UGT2B15: variants seen among roughly 807,000 people sequenced by gnomAD.
The protein encoded by UGT2B15 is UDP-glucuronosyltransferase 2B15.
In UGT2B15, 36 loss-of-function variants were observed where a neutral mutation model predicts 45.9. The observed-to-expected ratio is 0.78, with a 90% CI of 0.60 to 1.04. UGT2B15 has a LOEUF of 1.04. UGT2B15 is among the 50% of genes least tolerant of loss of function. The probability of loss-of-function intolerance (pLI) is 0.00; values close to 1 mark genes in which losing one functional copy is unlikely to be tolerated. For synonymous variants in UGT2B15, 219 were observed against 216.4 expected (o/e 1.01, Z -0.11); for missense variants, 617 against 622.4 (o/e 0.99, Z 0.09).
intron 3 of UGT2B15, among the ~76,000 whole-genome samples, chr4:68,655,651 C>T (rs1192577237): frequency 6.6e-6 from 1 of 152,056 alleles, no homozygotes; most frequent in Non-Finnish European, 1.5e-5. Context: ...CTGGAAGCCC[C>T]TTCCATGCTT....
chr4:68,649,973 T>C (rs1376626075), intron 5 of UGT2B15, among the ~76,000 whole-genome samples: 3 of 151,596 alleles, frequency 2.0e-5, no homozygotes, highest in African/African-American at 7.3e-5. Context: ...GCTGGGACTA[T>C]AGGTGCACAC....
chr4:68,648,900 T>A (rs1043805891), intron 5 of UGT2B15, among the ~76,000 whole-genome samples: 3 of 152,078 alleles, frequency 2.0e-5, no homozygotes, highest in African/African-American at 4.8e-5. Flanking sequence ...ACAGATGATC[T>A]CTTCATTTTG....
chr4:68,664,506 AAT>A (rs1733062262), intron 2 of UGT2B15, among the ~76,000 whole-genome samples: 1 of 152,130 alleles, frequency 6.6e-6, no homozygotes, highest in Admixed American at 6.6e-5. Flanking sequence ...GAAATTCTAA[AAT>A]ATGTCAATTC....
At chr4:68,659,248 A>T (rs914435828) in intron 3 of UGT2B15, among the ~76,000 whole-genome samples, 1 of 151,982 alleles carries the variant, frequency 6.6e-6, no homozygotes, top group Non-Finnish European at 1.5e-5. Context: ...GAGTTACCAC[A>T]TTAGTCAAAT....
rs1482724001 is a variant in UGT2B15 at position 68,647,245 on chromosome 4, G to A, written c.1452C>T (p.Leu484=). The change falls in exon 6 of 6, where the codon CTC becomes CTT. Residue 484 remains leucine, a synonymous_variant. Transcript: ENST00000338206. ...AKHLRVAAHN[L]TWIQYHSLDV... ...CCAAAGAGTGGTACTGGATCCAGGT[G>A]AGGTTGTGAGCTGCGACTCGAAGGT... 4.3e-6 allele frequency: 7 copies of A among 1,613,914 alleles called. No homozygotes were observed. The African/African-American group carries it at 9.3e-5, about 22-fold the overall frequency.
At chr4:68,658,688 A>G (rs997640993) in intron 3 of UGT2B15, among the ~76,000 whole-genome samples, 4 of 152,074 alleles carry the variant, frequency 2.6e-5, no homozygotes, top group Non-Finnish European at 5.9e-5. Context: ...CACAGGCAGT[A>G]AGGTTTGTTT....
At position 68,670,646 on chromosome 4, in the gene UGT2B15, AGTT is replaced by A. The variant is rs757322961; in HGVS notation, c.-31_-29del. The A allele has an allele frequency of 1.5e-5, 23 of 1,525,608 alleles. No individual in the cohort carries two copies. In the African/African-American group the frequency reaches 1.5e-4, roughly 10 times the overall value. 94.5% of individuals were successfully genotyped at this position (1,525,608 alleles called of 1,614,324 possible). A position where few individuals can be genotyped will look rare whatever the true frequency, so the allele number is the denominator to read the frequency against. ...TGGTCTTATGCAATGCTTCTTTTCC[AGTT>A]GTTGTTTCTTTCTGTCATTTCTCAT... On this transcript the variant is annotated 5_prime_UTR_variant, in exon 1 of 6. Transcript: ENST00000338206.
intron 5 of UGT2B15, 136 bp from the exon 6 acceptor site, chr4:68,647,519 T>C: frequency 1.8e-6 from 2 of 1,122,676 alleles, no homozygotes; most frequent in Non-Finnish European, 2.4e-6. Flanking sequence ...GAAATTTCAA[T>C]GTTTTAATTC....
chr4:68,651,928 A>G (rs1428171955), intron 5 of UGT2B15, among the ~76,000 whole-genome samples: 1 of 151,998 alleles, frequency 6.6e-6, no homozygotes, highest in Non-Finnish European at 1.5e-5. Context: ...TGGTAGTTTG[A>G]TGGGAATAGC....
In UGT2B15 at chr4:68,669,211, G is replaced by A. The variant is rs190095278; in HGVS notation, c.724+684C>T. Among the ~76,000 whole-genome samples, 46 of 152,178 alleles carry A rather than the reference G, an allele frequency of 3.0e-4. No individual in the cohort carries two copies. In the East Asian group the frequency reaches 6.8e-3, roughly 22 times the overall value. ...AGAATTTATTGACATAGAGATATGT[G>A]CTCTCCCTTAATTTGGCCCCTATTT... is the stretch of plus-strand genomic sequence containing the variant. On this transcript the variant is annotated intron_variant, in intron 1 of 5. Coordinates refer to ENST00000338206, the MANE Select transcript of UGT2B15 (RefSeq NM_001076.4).
intron 3 of UGT2B15, among the ~76,000 whole-genome samples, chr4:68,660,580 A>G (rs1185662571): frequency 6.6e-6 from 1 of 151,784 alleles, no homozygotes; most frequent in Non-Finnish European, 1.5e-5. Flanking sequence ...GTTTGTCTTT[A>G]GTAAAATTGG....
chr4:68,666,382 C>T (rs1289929035), intron 2 of UGT2B15, among the ~76,000 whole-genome samples: 1 of 152,026 alleles, frequency 6.6e-6, no homozygotes, highest in Non-Finnish European at 1.5e-5. Context: ...CACATGTTAG[C>T]TAATTTAAAG....
Position 68,652,992 on chromosome 4 carries a change from T to C in UGT2B15, c.1313+1045A>G, listed in dbSNP as rs1732700390. Among the ~76,000 whole-genome samples the C allele has an allele frequency of 3.9e-5, 6 of 152,018 alleles. No individual in the cohort carries two copies. The South Asian group carries it at 1.2e-3, about 31-fold the overall frequency. On this transcript the variant is annotated intron_variant, in intron 5 of 5. Transcript: ENST00000338206. Reference sequence around the variant, plus strand: ...CACTTTACACACACTAGAATGGCTGTAATAGAAAGACAGGTGATAACAAGT... The same window carrying C: ...CACTTTACACACACTAGAATGGCTGCAATAGAAAGACAGGTGATAACAAGT...
chr4:68,657,708 CT>C (rs771917692), intron 3 of UGT2B15, among the ~76,000 whole-genome samples: 2 of 151,840 alleles, frequency 1.3e-5, no homozygotes, highest in Non-Finnish European at 1.5e-5. Context: ...TAAGTTCTCT[CT>C]TTTTAAAAAA....
At chr4:68,664,666 A>C (rs151004403) in intron 2 of UGT2B15, among the ~76,000 whole-genome samples, 27,904 of 151,732 alleles carry the variant, frequency 0.18, 2,993 homozygotes, top group Admixed American at 0.3. Flanking sequence ...TCCCAGGTTA[A>C]AGCAATTCTC....
At position 68,647,372 on chromosome 4, in the gene UGT2B15, T is replaced by A; in HGVS notation, c.1325A>T (p.Asn442Ile). 6.2e-7 allele frequency: 1 copy of A among 1,613,088 alleles called. No individual in the cohort carries two copies. Among genetic ancestry groups the A allele is most frequent in the Non-Finnish European group, 8.5e-7 (1 of 1,179,314 alleles). ...SVINDPVYKE[N>I]VMKLSRIHHD... is the part of the protein sequence containing the mutation. Reference sequence around the variant, plus strand: ...ATGAATTCTTGATAATTTCATGACATTCTCTTTATAGCTGAAGGATAAATA... The same window carrying A: ...ATGAATTCTTGATAATTTCATGACAATCTCTTTATAGCTGAAGGATAAATA... Residue 442 changes from asparagine to isoleucine, a missense_variant, in exon 6 of 6, where the codon AAT becomes ATT. By Grantham distance (149) the Asn-to-Ile change is moderately radical. Transcript: ENST00000338206.
intron 1 of UGT2B15, among the ~76,000 whole-genome samples, chr4:68,669,463 G>A (rs1257191628): frequency 6.6e-6 from 1 of 152,104 alleles, no homozygotes; most frequent in Non-Finnish European, 1.5e-5. Context: ...ATTTCTAAAT[G>A]AGGAAACTGA....
intron 3 of UGT2B15, among the ~76,000 whole-genome samples, chr4:68,656,883 C>T (rs182801208): frequency 6.6e-6 from 1 of 152,098 alleles, no homozygotes; most frequent in Admixed American, 6.5e-5. Flanking sequence ...TTACCTTGTA[C>T]TGTGAGAGGA....
rs746589344 is a variant in UGT2B15, at chr4:68,655,177, T to C, written c.1011A>G (p.Leu337=). The C allele has an allele frequency of 5.0e-6, 8 of 1,613,236 alleles. No homozygotes were observed. The highest frequency in any genetic ancestry group is 2.2e-5 in the South Asian group (2 of 91,040). ...TTGGCTTCTTGCCATCAAATCTCCATAGAACCTGTTAGGGCAAGGAAAATA... is the reference window on the plus strand; with the variant it reads ...TTGGCTTCTTGCCATCAAATCTCCACAGAACCTGTTAGGGCAAGGAAAATA... The part of the protein sequence containing the change: ...SALAQIPQKV[L]WRFDGKKPNT... Residue 337 remains leucine (L), a synonymous_variant, in exon 4 of 6, where the codon CTA becomes CTG. Transcript: ENST00000338206.
Sources: gnomAD v4.1 joint callset for allele counts (sites outside exome capture counted in the v4.1 genomes callset) on GRCh38, gnomAD v4.1.1 for gene constraint, MANE v1.5 for transcripts, NCBI Gene and HGNC (gene_info 2026-07-23, HGNC 2026-07-21) for gene names.